The following IFT88 variants were observed in gnomAD, a reference collection of about 807,000 sequenced individuals.
The protein encoded by IFT88 is intraflagellar transport 88.
A neutral mutation model predicts 119.5 loss-of-function variants in IFT88; 74 were observed. That is an observed-to-expected ratio of 0.62 (90% CI 0.51 to 0.75). IFT88 has a LOEUF of 0.75. Among genes scored for constraint, IFT88 ranks in the 30% least tolerant of loss-of-function variants. The pLI is 0.00. For missense variants in IFT88, 961 were observed against 977.7 expected (o/e 0.98, Z 0.23); for synonymous variants, 279 against 316.7 (o/e 0.88, Z 1.26).
chr13:20,621,526 TAA>T (rs200491393), intron 14 of IFT88, among the ~76,000 whole-genome samples: 52 of 130,750 alleles, frequency 4.0e-4, no homozygotes, highest in South Asian at 2.0e-3. Flanking sequence ...CCTGCTGAGA[TAA>T]AAAAAAAAAA....
At chr13:20,687,673 T>G (rs1025515559) in intron 24 of IFT88, among the ~76,000 whole-genome samples, 1 of 151,836 alleles carries the variant, frequency 6.6e-6, no homozygotes, top group Non-Finnish European at 1.5e-5. Flanking sequence ...GTCTAAATAT[T>G]CAGGAAAACT....
intron 13 of IFT88, among the ~76,000 whole-genome samples, chr13:20,615,064 C>T (rs2045372016): frequency 2.6e-5 from 4 of 152,160 alleles, no homozygotes; most frequent in Admixed American, 2.6e-4. Context: ...ATCCACCTGC[C>T]TTGGCCTCCC....
chr13:20,605,396 C>G (rs546473618), intron 13 of IFT88, among the ~76,000 whole-genome samples: 1 of 152,260 alleles, frequency 6.6e-6, no homozygotes, highest in African/African-American at 2.4e-5. Context: ...TCAGTTGTTT[C>G]CCTCTGCATT....
chr13:20,630,320 T>TTTG (rs2048006114), intron 15 of IFT88, among the ~76,000 whole-genome samples: 1 of 152,242 alleles, frequency 6.6e-6, no homozygotes, highest in Admixed American at 6.5e-5. Context: ...CTTTGCTAGC[T>TTTG]CTACAGTGCC....
intron 24 of IFT88, among the ~76,000 whole-genome samples, chr13:20,679,334 T>C (rs1252043391): frequency 6.6e-6 from 1 of 152,196 alleles, no homozygotes; most frequent in Non-Finnish European, 1.5e-5. Context: ...GTCTGCTGTT[T>C]GTACTGTGGA....
intron 8 of IFT88, 119 bp from the exon 9 acceptor site, chr13:20,596,896 T>G: frequency 1.8e-6 from 1 of 560,216 alleles, no homozygotes. Context: ...CACACAGGGG[T>G]GTCTTGAGGA....
At chr13:20,628,239 G>A (rs894719497) in intron 15 of IFT88, among the ~76,000 whole-genome samples, 1 of 151,984 alleles carries the variant, frequency 6.6e-6, no homozygotes, top group African/African-American at 2.4e-5. Flanking sequence ...AAATCACAGA[G>A]TATGGGTCTT....
At chr13:20,597,360 A>G (rs146440329) in intron 9 of IFT88, among the ~76,000 whole-genome samples, 30 of 152,184 alleles carry the variant, frequency 2.0e-4, no homozygotes, top group African/African-American at 7.0e-4. Flanking sequence ...TAATCCTAAC[A>G]CCTTGGGAGG....
At chr13:20,649,978 C>T (rs2051354648) in intron 20 of IFT88, among the ~76,000 whole-genome samples, 1 of 152,002 alleles carries the variant, frequency 6.6e-6, no homozygotes, top group Admixed American at 6.6e-5. Flanking sequence ...GAAATTAAAT[C>T]AGTAATAAAA....
chr13:20,605,138 A>AGT, intron 13 of IFT88, 33 bp downstream of exon 13: 3 of 848,534 alleles, frequency 3.5e-6, no homozygotes, highest in Non-Finnish European at 5.6e-6. Context: ...GTAGTTATTA[A>AGT]TTACATTATT....
At chr13:20,650,667 A>C (rs147176140) in intron 20 of IFT88, among the ~76,000 whole-genome samples, 2 of 152,306 alleles carry the variant, frequency 1.3e-5, no homozygotes, top group African/African-American at 4.8e-5. Context: ...AGATGAAGTA[A>C]AAATTAACCC....
At chr13:20,597,631 C>A (rs1379306579) in intron 9 of IFT88, among the ~76,000 whole-genome samples, 13 of 151,700 alleles carry the variant, frequency 8.6e-5, no homozygotes, top group Non-Finnish European at 1.9e-4. Context: ...GTAGTCCCAG[C>A]TACTTGGGAG....
At chr13:20,630,275 C>G (rs1420418786) in intron 15 of IFT88, among the ~76,000 whole-genome samples, 2 of 152,138 alleles carry the variant, frequency 1.3e-5, no homozygotes, top group Non-Finnish European at 2.9e-5. Context: ...TTAGTCTGAA[C>G]ATTTTCTGGG....
chr13:20,581,908 A>G (rs1311357875), intron 2 of IFT88, among the ~76,000 whole-genome samples: 5 of 152,160 alleles, frequency 3.3e-5, no homozygotes, highest in African/African-American at 4.8e-5. Context: ...CTTGTATGCA[A>G]TAAAACTGTG....
intron 24 of IFT88, among the ~76,000 whole-genome samples, chr13:20,689,650 C>T (rs75755273): frequency 0.01 from 1,593 of 152,256 alleles, 28 homozygotes; most frequent in African/African-American, 0.037. Flanking sequence ...CTTTTCTTCT[C>T]ACATACTCAT....
At chr13:20,688,214 G>A (rs2058151999) in intron 24 of IFT88, among the ~76,000 whole-genome samples, 1 of 152,220 alleles carries the variant, frequency 6.6e-6, no homozygotes, top group Non-Finnish European at 1.5e-5. Flanking sequence ...GGGCGTGGTA[G>A]CGCATGCCTG....
intron 25 of IFT88, 41 bp downstream of exon 25, chr13:20,690,856 TGAA>T (rs766527971): frequency 1.4e-6 from 2 of 1,475,086 alleles, no homozygotes; most frequent in South Asian, 2.3e-5. Context: ...ATAGCAGGTC[TGAA>T]GAAGAATGGT....
chr13:20,679,095 T>G (rs1334757591), intron 24 of IFT88, among the ~76,000 whole-genome samples: 1 of 152,222 alleles, frequency 6.6e-6, no homozygotes, highest in Non-Finnish European at 1.5e-5. Flanking sequence ...AAATGTCTCC[T>G]AACTCTTTCC....
intron 13 of IFT88, chr13:20,608,081 A>G (rs1164335137): frequency 7.9e-6 from 4 of 507,236 alleles, no homozygotes; most frequent in Admixed American, 5.2e-5. Flanking sequence ...GGCTGCAACA[A>G]TATCTTAACA....
Sources: allele counts gnomAD v4.1 joint callset (sites outside exome capture counted in the v4.1 genomes callset), GRCh38; gene constraint gnomAD v4.1.1; transcripts MANE v1.5; gene names NCBI Gene and HGNC (gene_info 2026-07-23, HGNC 2026-07-21).